The following HACE1 variants were observed in gnomAD, a reference collection of about 807,000 sequenced individuals.
The protein encoded by HACE1 is HECT domain and ankyrin repeat containing E3 ubiquitin protein ligase 1, also known as E3 ubiquitin-protein ligase HACE1.
A neutral mutation model predicts 118.4 loss-of-function variants in HACE1; 73 were observed. The observed-to-expected ratio is 0.62, with a 90% CI of 0.51 to 0.75. The LOEUF (loss-of-function observed/expected upper bound fraction) is 0.75, where lower values mean the gene tolerates loss of function less well. Among genes scored for constraint, HACE1 ranks in the 30% least tolerant of loss-of-function variants. The probability of loss-of-function intolerance (pLI) is 0.00; values close to 1 mark genes in which losing one functional copy is unlikely to be tolerated. For synonymous variants in HACE1, 368 were observed against 374.8 expected, an observed-to-expected ratio of 0.98 and a Z score of 0.21; for missense variants, 749 against 1,102.2, an observed-to-expected ratio of 0.68 and a Z score of 4.54.
At chr6:104,858,166 CAA>C (rs941789451) in intron 1 of HACE1, among the ~76,000 whole-genome samples, 2 of 152,040 alleles carry the variant, frequency 1.3e-5, no homozygotes, top group Non-Finnish European at 2.9e-5. Flanking sequence ...GTAACATTAT[CAA>C]AGTCTTCTAA....
intron 5 of HACE1, among the ~76,000 whole-genome samples, chr6:104,833,717 T>G (rs899755344): frequency 3.8e-4 from 58 of 152,172 alleles, no homozygotes; most frequent in African/African-American, 1.3e-3. Flanking sequence ...CCGGGCACGG[T>G]AGCTCAAGCC....
chr6:104,779,463 A>G (rs1422056375), intron 14 of HACE1, among the ~76,000 whole-genome samples: 3 of 152,228 alleles, frequency 2.0e-5, no homozygotes, highest in African/African-American at 4.8e-5. Context: ...TACCTTTTTA[A>G]AGTTAAATGT....
intron 22 of HACE1, chr6:104,731,160 A>G (rs988022036): frequency 1.3e-5 from 2 of 151,986 alleles, no homozygotes; most frequent in African/African-American, 2.4e-5. Context: ...TATTTCTTCT[A>G]AAGTTTGCCC....
intron 22 of HACE1, among the ~76,000 whole-genome samples, chr6:104,733,521 A>C (rs1360877590): frequency 6.6e-6 from 1 of 152,194 alleles, no homozygotes; most frequent in African/African-American, 2.4e-5. Flanking sequence ...TACAGTATAA[A>C]ATTACAGTAA....
chr6:104,804,992 G>A (rs1770832399), intron 7 of HACE1, among the ~76,000 whole-genome samples: 1 of 152,090 alleles, frequency 6.6e-6, no homozygotes, highest in South Asian at 2.1e-4. Flanking sequence ...AATCTACAAT[G>A]AATTCAAACA....
intron 6 of HACE1, among the ~76,000 whole-genome samples, chr6:104,820,578 T>C (rs1012730520): frequency 1.3e-5 from 2 of 152,134 alleles, no homozygotes; most frequent in African/African-American, 4.8e-5. Context: ...CCAACAATCA[T>C]ATGAAAGAAA....
chr6:104,782,316 CG>C, intron 14 of HACE1: 1 of 152,224 alleles, frequency 6.6e-6, no homozygotes, highest in African/African-American at 2.4e-5. Flanking sequence ...GGCAAAATCC[CG>C]TCTCTACAAA....
At chr6:104,775,565 A>C (rs1200824937) in intron 17 of HACE1, among the ~76,000 whole-genome samples, 1 of 152,184 alleles carries the variant, frequency 6.6e-6, no homozygotes, top group Non-Finnish European at 1.5e-5. Flanking sequence ...CTAAAATATA[A>C]TGCTAGATCT....
chr6:104,821,883 A>G (rs554184150), intron 6 of HACE1, among the ~76,000 whole-genome samples: 1 of 152,314 alleles, frequency 6.6e-6, no homozygotes, highest in South Asian at 2.1e-4. Flanking sequence ...TAACTATTAC[A>G]GAGTCAAGCT....
intron 12 of HACE1, 43 bp from the exon 13 acceptor site, chr6:104,784,528 T>G: frequency 7.5e-7 from 1 of 1,325,116 alleles, no homozygotes; most frequent in Non-Finnish European, 1.1e-6. Flanking sequence ...GGCAAAAGTT[T>G]GTGATATAAT....
At chr6:104,852,896 A>T in intron 1 of HACE1, among the ~76,000 whole-genome samples, 1 of 152,202 alleles carries the variant, frequency 6.6e-6, no homozygotes, top group East Asian at 1.9e-4. Context: ...TGTCAATATT[A>T]TTACAAAAGA....
At chr6:104,824,850 G>C (rs1166901186) in intron 6 of HACE1, 1 of 151,612 alleles carries the variant, frequency 6.6e-6, no homozygotes, top group Non-Finnish European at 1.5e-5. Context: ...GAGGCGGGCA[G>C]ATCACGACGT....
chr6:104,845,074 T>C (rs922419731), intron 4 of HACE1, among the ~76,000 whole-genome samples: 2 of 152,084 alleles, frequency 1.3e-5, no homozygotes, highest in African/African-American at 4.8e-5. Context: ...ATTGTATACA[T>C]ATTATATAAT....
intron 6 of HACE1, among the ~76,000 whole-genome samples, chr6:104,819,344 C>G (rs1772445805): frequency 6.6e-6 from 1 of 152,130 alleles, no homozygotes; most frequent in South Asian, 2.1e-4. Context: ...GGCGAAAGAT[C>G]TCTACAAGGA....
chr6:104,851,113 C>T (rs1275504643), intron 2 of HACE1, 117 bp from the exon 3 acceptor site: 20 of 699,940 alleles, frequency 2.9e-5, no homozygotes, highest in Non-Finnish European at 4.7e-5. Context: ...AGACAAGAGT[C>T]TTGCTCTGTC....
chr6:104,858,009 G>A (rs1165245692), intron 1 of HACE1, among the ~76,000 whole-genome samples: 1 of 151,206 alleles, frequency 6.6e-6, no homozygotes, highest in Non-Finnish European at 1.5e-5. Flanking sequence ...AAGACTATAT[G>A]CAACATGATT....
chr6:104,793,439 TAG>T (rs1197376817), intron 10 of HACE1, among the ~76,000 whole-genome samples: 1 of 152,166 alleles, frequency 6.6e-6, no homozygotes, highest in Non-Finnish European at 1.5e-5. Context: ...CATAAATATA[TAG>T]AAAGGACGAT....
intron 6 of HACE1, among the ~76,000 whole-genome samples, chr6:104,819,329 A>G (rs1772443651): frequency 1.3e-5 from 2 of 152,194 alleles, no homozygotes; most frequent in Admixed American, 6.5e-5. Context: ...ACAACTAAGT[A>G]GGGAGGCGAA....
chr6:104,799,316 CA>C (rs1363199486), intron 7 of HACE1, among the ~76,000 whole-genome samples: 3 of 152,144 alleles, frequency 2.0e-5, no homozygotes, highest in Non-Finnish European at 4.4e-5. Flanking sequence ...ATGAATCAGA[CA>C]GCCAATTCTT....
Sources: allele counts gnomAD v4.1 joint callset (sites outside exome capture counted in the v4.1 genomes callset), GRCh38; gene constraint gnomAD v4.1.1; transcripts MANE v1.5; gene names NCBI Gene and HGNC (gene_info 2026-07-23, HGNC 2026-07-21).